MAP3K13: variants seen among roughly 807,000 people sequenced by gnomAD.
MAP3K13 encodes leucine zipper-bearing kinase.
MAP3K13 carries 52 observed loss-of-function variants against 104.0 expected under a neutral mutation model. The ratio of observed to expected loss-of-function variants is 0.50; its 90% CI spans 0.40 to 0.63. The LOEUF (loss-of-function observed/expected upper bound fraction) is 0.63. Among genes scored for constraint, MAP3K13 ranks in the 20% least tolerant of loss-of-function variants. The pLI is 0.00. For missense variants in MAP3K13, 914 were observed against 1,218.5 expected, an observed-to-expected ratio of 0.75 and a Z score of 3.72; for synonymous variants, 394 against 442.2, an observed-to-expected ratio of 0.89 and a Z score of 1.37.
chr3:185,374,040 C>T (rs977622176), intron 1 of MAP3K13, among the ~76,000 whole-genome samples: 1 of 151,874 alleles, frequency 6.6e-6, no homozygotes, highest in East Asian at 1.9e-4. Flanking sequence ...TTACAAAGAA[C>T]CTTCTTAAGG....
Position 185,385,393 on chromosome 3 carries a change from G to A in MAP3K13, c.-86+22025G>A, listed in dbSNP as rs866489724. On this transcript the variant is annotated intron_variant, in intron 1 of 13. Coordinates refer to ENST00000265026, the MANE Select transcript of MAP3K13 (RefSeq NM_004721.5). ...TTGCCATGTTGGCCAGGCTGGTCTC[G>A]AACTCCTGGCCTCAAGTGATCCACT... Among the ~76,000 whole-genome samples, 105 of 152,182 alleles carry A rather than the reference G, an allele frequency of 6.9e-4. No homozygotes were observed. The Middle Eastern group carries it at 0.01, about 15-fold the overall frequency.
intron 7 of MAP3K13, among the ~76,000 whole-genome samples, chr3:185,455,847 TATATATG>T (rs1039486068): frequency 3.0e-5 from 3 of 100,424 alleles, no homozygotes; most frequent in Non-Finnish European, 6.3e-5. Context: ...ATATATGAGA[TATATATG>T]AGATATATAT....
chr3:185,437,409 G>T (rs369696427), intron 2 of MAP3K13, 38 bp from the exon 3 acceptor site: 115 of 1,590,778 alleles, frequency 7.2e-5, no homozygotes, highest in Non-Finnish European at 9.2e-5. Flanking sequence ...GGTCCCTTCT[G>T]AGATCTCTTC....
upstream of MAP3K13, among the ~76,000 whole-genome samples, chr3:185,361,952 T>G (rs557199840): frequency 8.5e-5 from 13 of 152,356 alleles, no homozygotes; most frequent in South Asian, 2.7e-3. Flanking sequence ...AAGTTTTCCT[T>G]TTCCAAATGA....
intron 2 of MAP3K13, among the ~76,000 whole-genome samples, chr3:185,319,747 A>G (rs1296544160): frequency 1.3e-5 from 2 of 152,220 alleles, no homozygotes; most frequent in African/African-American, 4.8e-5. Context: ...AATTCTACCA[A>G]CCTCCTAATT....
At chr3:185,408,572 A>G (rs375165598) in intron 1 of MAP3K13, among the ~76,000 whole-genome samples, 1 of 19,502 alleles carries the variant, frequency 5.1e-5, no homozygotes, top group Non-Finnish European at 1.5e-4. Flanking sequence ...ACTCCATCTT[A>G]AAAAAAAAAA....
intron 1 of MAP3K13, among the ~76,000 whole-genome samples, chr3:185,369,263 G>A (rs1176285604): frequency 6.6e-6 from 1 of 152,172 alleles, no homozygotes; most frequent in Non-Finnish European, 1.5e-5. Context: ...CTTTTGCATT[G>A]TATTGTTTAT....
chr3:185,414,836 A>T (rs553525120), intron 1 of MAP3K13, among the ~76,000 whole-genome samples: 3 of 152,330 alleles, frequency 2.0e-5, no homozygotes, highest in African/African-American at 7.2e-5. Flanking sequence ...CTGACAATGA[A>T]TTTAATGAGA....
intron 2 of MAP3K13, among the ~76,000 whole-genome samples, chr3:185,356,554 G>A (rs1357111298): frequency 1.3e-5 from 2 of 152,162 alleles, no homozygotes; most frequent in African/African-American, 4.8e-5. Flanking sequence ...ATATATGGAT[G>A]GAGACGACAG....
intron 2 of MAP3K13, among the ~76,000 whole-genome samples, chr3:185,314,513 G>T (rs912851724): frequency 1.3e-5 from 2 of 152,024 alleles, no homozygotes; most frequent in Non-Finnish European, 2.9e-5. Context: ...CTACTCAGGA[G>T]GCTGAGGCGG....
chr3:185,288,904 AT>A (rs1444698063), intron 2 of MAP3K13, among the ~76,000 whole-genome samples: 1 of 152,156 alleles, frequency 6.6e-6, no homozygotes, highest in African/African-American at 2.4e-5. Context: ...TAGCATTCCA[AT>A]TGTTTATGAT....
chr3:185,394,979 A>G (rs1712292981), intron 1 of MAP3K13, among the ~76,000 whole-genome samples: 1 of 152,194 alleles, frequency 6.6e-6, no homozygotes, highest in South Asian at 2.1e-4. Context: ...ACTTCATGGA[A>G]GTTGATATTT....
chr3:185,373,429 G>A (rs926387304), intron 1 of MAP3K13, among the ~76,000 whole-genome samples: 1 of 152,144 alleles, frequency 6.6e-6, no homozygotes. Flanking sequence ...TTCACTTGAA[G>A]TCAGGAGTTC....
intron 7 of MAP3K13, among the ~76,000 whole-genome samples, chr3:185,456,348 G>A (rs1029523874): frequency 6.6e-6 from 1 of 152,130 alleles, no homozygotes; most frequent in African/African-American, 2.4e-5. Flanking sequence ...GAGGAAATAA[G>A]ATGAGGTAGG....
intron 2 of MAP3K13, among the ~76,000 whole-genome samples, chr3:185,357,407 C>T (rs1211128246): frequency 7.0e-6 from 1 of 143,250 alleles, no homozygotes; most frequent in Non-Finnish European, 1.5e-5. Flanking sequence ...AAGATCGCGC[C>T]ATTGCACTCC....
intron 1 of MAP3K13, among the ~76,000 whole-genome samples, chr3:185,395,461 C>A (rs1353752316): frequency 9.6e-6 from 1 of 104,410 alleles, no homozygotes; most frequent in Non-Finnish European, 2.0e-5. Flanking sequence ...CGGGTTCACG[C>A]CATTCTCCTG....
intron 1 of MAP3K13, among the ~76,000 whole-genome samples, chr3:185,394,447 T>G (rs898514401): frequency 3.3e-5 from 5 of 152,248 alleles, no homozygotes; most frequent in Non-Finnish European, 7.3e-5. Flanking sequence ...AGCATCTTTC[T>G]ATGCCTGGGA....
chr3:185,381,251 G>A (rs1285001733), intron 1 of MAP3K13, among the ~76,000 whole-genome samples: 2 of 151,998 alleles, frequency 1.3e-5, no homozygotes, highest in Non-Finnish European at 2.9e-5. Flanking sequence ...CATGAGCCAC[G>A]GCGTCCAGCC....
intron 2 of MAP3K13, among the ~76,000 whole-genome samples, chr3:185,344,601 C>T (rs901774313): frequency 6.6e-6 from 1 of 152,222 alleles, no homozygotes; most frequent in Non-Finnish European, 1.5e-5. Context: ...CTTCCGCCCC[C>T]CTTATCAGCC....
Sources: allele counts gnomAD v4.1 joint callset (sites outside exome capture counted in the v4.1 genomes callset), GRCh38; gene constraint gnomAD v4.1.1; transcripts MANE v1.5; gene names NCBI Gene and HGNC (gene_info 2026-07-23, HGNC 2026-07-21).